The following ASB3 variants were observed in gnomAD, a reference collection of about 807,000 sequenced individuals.
The protein encoded by ASB3 is ankyrin repeat and SOCS box containing 3.
ASB3 carries 41 observed loss-of-function variants against 54.5 expected under a neutral mutation model. The observed-to-expected ratio is 0.75, with a 90% CI of 0.59 to 0.98. ASB3 has a LOEUF of 0.98. Ranked by LOEUF, ASB3 falls within the 50% of genes least tolerant of loss-of-function variation. The probability of loss-of-function intolerance (pLI) is 0.00; values close to 1 mark genes in which losing one functional copy is unlikely to be tolerated. For missense variants in ASB3, 733 were observed against 620.0 expected, an observed-to-expected ratio of 1.18 and a Z score of -1.94; for synonymous variants, 266 against 221.2, an observed-to-expected ratio of 1.20 and a Z score of -1.80.
chr2:53,747,426 A>T (rs181125717), intron 3 of ASB3, among the ~76,000 whole-genome samples: 11 of 152,222 alleles, frequency 7.2e-5, no homozygotes, highest in African/African-American at 2.6e-4. Flanking sequence ...GGGGCTTGTA[A>T]TCCCAGCTAC....
intron 1 of ASB3, 72 bp downstream of exon 1, chr2:53,786,749 A>T: frequency 6.1e-6 from 1 of 163,200 alleles, no homozygotes; most frequent in Non-Finnish European, 1.3e-5. Context: ...TGTGGGTCAA[A>T]CCTCTGCCTG....
At chr2:53,739,682 TG>T (rs1337783597) in intron 3 of ASB3, among the ~76,000 whole-genome samples, 1 of 152,196 alleles carries the variant, frequency 6.6e-6, no homozygotes, top group African/African-American at 2.4e-5. Flanking sequence ...TTGTTTGTTT[TG>T]TTTTGTTCTT....
intron 1 of ASB3, chr2:53,774,463 T>G (rs1445835913): frequency 6.3e-7 from 1 of 1,593,520 alleles, no homozygotes; most frequent in South Asian, 1.2e-5. Context: ...TGAGCATCTT[T>G]TCGCTTTGGA....
chr2:53,729,902 C>T lies in ASB3; in HGVS notation c.356-332G>A, dbSNP rs112407990. ...TATAAGGTGGACAATTCAGAATCAACAGTACCAGTCTGGAAAAGCAATCTC... is the reference window on the plus strand; with the variant it reads ...TATAAGGTGGACAATTCAGAATCAATAGTACCAGTCTGGAAAAGCAATCTC... On this transcript the variant is annotated intron_variant, in intron 3 of 9. Coordinates refer to ENST00000263634, the MANE Select transcript of ASB3 (RefSeq NM_016115.5). Among the ~76,000 whole-genome samples, 674 of 152,242 alleles carry T rather than the reference C, an allele frequency of 4.4e-3. 6 individuals carry two copies. Among genetic ancestry groups the T allele is most frequent in the African/African-American group, 0.016 (651 of 41,554 alleles).
rs575860846 is a variant in ASB3, at chr2:53,732,335, TA to T, written c.356-2766del. 2.9e-4 allele frequency among the ~76,000 whole-genome samples: 44 copies of T among 151,888 alleles called. No individual in the cohort carries two copies. The East Asian group carries it at 7.3e-3, about 25-fold the overall frequency. ...GAAATTACAAATGAAATTACCATAT[TA>T]AAAAAAAGCCTGAAAATAATAGTAA... is the stretch of plus-strand genomic sequence containing the variant. On this transcript the variant is annotated intron_variant, in intron 3 of 9. Coordinates refer to ENST00000263634, the MANE Select transcript of ASB3 (RefSeq NM_016115.5).
chr2:53,680,194 G>A (rs1668293716), intron 9 of ASB3, among the ~76,000 whole-genome samples: 1 of 152,164 alleles, frequency 6.6e-6, no homozygotes, highest in Non-Finnish European at 1.5e-5. Flanking sequence ...GAATAGCACT[G>A]CAAGGAACAT....
chr2:53,681,492 T>TA (rs1465518204), intron 9 of ASB3, among the ~76,000 whole-genome samples: 2 of 152,204 alleles, frequency 1.3e-5, no homozygotes, highest in Admixed American at 1.3e-4. Flanking sequence ...TTTTAGTAGT[T>TA]AGAGGTCTTA....
intron 1 of ASB3, among the ~76,000 whole-genome samples, chr2:53,783,291 G>T (rs1362668781): frequency 1.3e-5 from 2 of 152,090 alleles, no homozygotes; most frequent in Non-Finnish European, 2.9e-5. Context: ...AAAAGAAAGT[G>T]AAAAGAACTG....
chr2:53,738,913 T>C lies in ASB3; in HGVS notation c.356-9343A>G, dbSNP rs115587573. On this transcript the variant is annotated intron_variant, in intron 3 of 9. Coordinates refer to ENST00000263634, the MANE Select transcript of ASB3 (RefSeq NM_016115.5). ...TCCAAGTGTCTGGAGTACACAGAGA[T>C]ATGGGAGAAAGACTTTCCCCTCTTC... 9.3e-3 allele frequency among the ~76,000 whole-genome samples: 1,409 copies of C among 152,214 alleles called. 25 individuals carry two copies. The highest frequency in any genetic ancestry group is 0.032 in the African/African-American group (1,336 of 41,548).
chr2:53,765,173 C>T (rs776810440), intron 2 of ASB3, among the ~76,000 whole-genome samples: 17 of 152,084 alleles, frequency 1.1e-4, no homozygotes, highest in Non-Finnish European at 1.6e-4. Flanking sequence ...GAGGCACTTC[C>T]GTATAAGATG....
chr2:53,774,683 T>A (rs945576624), intron 1 of ASB3: 29 of 553,724 alleles, frequency 5.2e-5, no homozygotes, highest in Admixed American at 7.6e-5. Context: ...TGGGATACAG[T>A]GAAAGAAAAA....
At chr2:53,759,798 G>T (rs1193897918) in intron 2 of ASB3, among the ~76,000 whole-genome samples, 2 of 152,140 alleles carry the variant, frequency 1.3e-5, no homozygotes, top group Non-Finnish European at 2.9e-5. Flanking sequence ...CTGCCCCAGG[G>T]GACGAAGGTC....
chr2:53,750,311 A>G (rs970274456), intron 3 of ASB3, among the ~76,000 whole-genome samples: 14 of 152,178 alleles, frequency 9.2e-5, no homozygotes, highest in African/African-American at 3.4e-4. Context: ...ATTAAAAAAC[A>G]GTCTGTAACA....
intron 5 of ASB3, among the ~76,000 whole-genome samples, chr2:53,727,918 G>T (rs1671097822): frequency 6.6e-6 from 1 of 152,022 alleles, no homozygotes; most frequent in Non-Finnish European, 1.5e-5. Context: ...TAGAGATGGG[G>T]TTTCGCCATG....
chr2:53,775,039 C>A (rs951928523), intron 1 of ASB3: 1 of 152,706 alleles, frequency 6.5e-6, no homozygotes, highest in Admixed American at 6.5e-5. Flanking sequence ...TAAATGAAAT[C>A]TTTTGAGTTT....
At chr2:53,722,285 C>T (rs1670755634) in intron 5 of ASB3, among the ~76,000 whole-genome samples, 1 of 152,070 alleles carries the variant, frequency 6.6e-6, no homozygotes, top group African/African-American at 2.4e-5. Flanking sequence ...GAAACCATTC[C>T]CAAAAATCAA....
chr2:53,786,548 A>T (rs933839856), intron 1 of ASB3: 1 of 152,310 alleles, frequency 6.6e-6, no homozygotes, highest in African/African-American at 2.4e-5. Context: ...AGCAGAAGAG[A>T]TGGAGATAAG....
intron 7 of ASB3, among the ~76,000 whole-genome samples, chr2:53,709,873 C>T (rs568188633): frequency 1.6e-4 from 24 of 152,226 alleles, no homozygotes; most frequent in South Asian, 1.2e-3. Flanking sequence ...CTGTGACTTC[C>T]GTCTTGTTCT....
At chr2:53,776,755 G>A (rs551721620) in intron 1 of ASB3, among the ~76,000 whole-genome samples, 1 of 152,222 alleles carries the variant, frequency 6.6e-6, no homozygotes, top group Non-Finnish European at 1.5e-5. Context: ...GGAGTTCGAG[G>A]CTGCAGTGAG....
Sources: gnomAD v4.1 joint callset for allele counts (sites outside exome capture counted in the v4.1 genomes callset) on GRCh38, gnomAD v4.1.1 for gene constraint, MANE v1.5 for transcripts, NCBI Gene and HGNC (gene_info 2026-07-23, HGNC 2026-07-21) for gene names.